Variants in DENND4B observed in about 807,000 individuals in gnomAD.
The protein encoded by DENND4B is DENN domain-containing protein 4B.
Under a neutral mutation model 161.0 loss-of-function variants are expected in DENND4B, and 67 were observed. The observed-to-expected ratio is 0.42, with a 90% CI of 0.34 to 0.51. DENND4B has a LOEUF of 0.51. Ranked by LOEUF, DENND4B falls within the 20% of genes least tolerant of loss-of-function variation. The pLI, the probability that DENND4B is intolerant of heterozygous loss-of-function variation, is 0.08. For missense variants in DENND4B, 1,481 were observed against 1,968.0 expected (o/e 0.75, Z 4.68); for synonymous variants, 753 against 813.8 (o/e 0.93, Z 1.27).
At position 153,930,777 on chromosome 1, in the gene DENND4B, G is replaced by A. The variant is rs771150123; in HGVS notation, c.4195C>T (p.His1399Tyr). ...SLALLESVLR[H>Y]VGLNEVHKAV... is the part of the protein sequence containing the mutation. The stretch of plus-strand genomic sequence containing the variant: ...TTGTGCACTTCATTGAGTCCAACAT[G>A]GCGCAGCACTGACTCCAACAGTGCC... Residue 1399 changes from histidine to tyrosine, a missense_variant, in exon 26 of 28, where the codon CAT (histidine) becomes TAT (tyrosine). Physicochemically the swap from His to Tyr is moderately conservative, Grantham distance 83. Around this residue, in one of 3 missense-constraint regions of DENND4B, gnomAD observed 336 missense variants for 503.3 expected, o/e 0.67. Transcript: ENST00000361217. The surrounding 1 kb of genome is among the most constrained non-coding windows in gnomAD (Gnocchi z 4.7). 6.2e-7 allele frequency: 1 copy of A among 1,609,370 alleles called. No individual in the cohort carries two copies. Among genetic ancestry groups the A allele is most frequent in the South Asian group, 1.1e-5 (1 of 90,150 alleles).
intron 24 of DENND4B, among the ~76,000 whole-genome samples, chr1:153,931,536 C>T (rs1391138049): frequency 8.9e-5 from 13 of 145,866 alleles, no homozygotes; most frequent in African/African-American, 2.3e-4. Flanking sequence ...CTCGCTCTGT[C>T]GTCCAGGCTG....
Position 153,934,748 on chromosome 1 carries a change from G to C in DENND4B, c.2773+12C>G. On this transcript the variant is annotated intron_variant, in intron 18 of 27. Transcript: ENST00000361217. This position sits in a 1 kb window ranked among gnomAD's most constrained non-coding sequence, Gnocchi z 5.3. ...CTCCATCCCCAAGCCTGTCTCACCAGGCCCTACCCACCTGCCTGGGAGCTG... is the reference window on the plus strand; with the variant it reads ...CTCCATCCCCAAGCCTGTCTCACCACGCCCTACCCACCTGCCTGGGAGCTG... 1 of 1,608,376 alleles carries C rather than the reference G, an allele frequency of 6.2e-7. No homozygotes were observed. The highest frequency in any genetic ancestry group is 8.5e-7 in the Non-Finnish European group (1 of 1,178,138).
chr1:153,938,406 C>CAA (rs34071791), intron 13 of DENND4B, among the ~76,000 whole-genome samples: 1,622 of 103,184 alleles, frequency 0.016, 86 homozygotes, highest in East Asian at 0.12. Context: ...AAAACTATCT[C>CAA]AAAAAAAAAA....
chr1:153,936,004 T>A lies in DENND4B; in HGVS notation c.2568+56A>T. ...AGGAGCGAGGGGAGCAGCAGCAGCC[T>A]CCCCTCACACACCCTGGCACAGCTG... On this transcript the variant is annotated intron_variant, in intron 17 of 27. Coordinates refer to ENST00000361217, the MANE Select transcript of DENND4B (RefSeq NM_014856.3). The surrounding 1 kb of genome is among the most constrained non-coding windows in gnomAD (Gnocchi z 4.1). 6.2e-7 allele frequency: 1 copy of A among 1,600,290 alleles called. No homozygotes were observed. The highest frequency in any genetic ancestry group is 1.1e-5 in the South Asian group (1 of 88,840).
Position 153,936,579 on chromosome 1 carries a change from C to T in DENND4B, c.2402G>A (p.Arg801His), listed in dbSNP as rs552005915. The change falls in exon 16 of 28, where the codon CGC becomes CAC. Residue 801 changes from arginine to histidine, a missense_variant. Arg to His is a conservative substitution (Grantham distance 29, BLOSUM62 0). Around this residue, in one of 3 missense-constraint regions of DENND4B, gnomAD observed 806 missense variants for 1,134.4 expected, o/e 0.71. Coordinates refer to ENST00000361217, the MANE Select transcript of DENND4B (RefSeq NM_014856.3). The surrounding 1 kb of genome is among the most constrained non-coding windows in gnomAD (Gnocchi z 4.1). ...CACCACCTTGCCGCTCTCCATCTGG[C>T]GCAGCACATGGTAGGCTGTGTGCAG... ...QALHTAYHVLRQMESGKVVLP... is the reference protein window; with the variant it reads ...QALHTAYHVLHQMESGKVVLP... 1.2e-5 allele frequency: 19 copies of T among 1,609,322 alleles called. No homozygotes were observed. Among genetic ancestry groups the T allele is most frequent in the East Asian group, 2.2e-5 (1 of 44,718 alleles).
chr1:153,933,240 C>A lies in DENND4B; in HGVS notation c.3410G>T (p.Arg1137Leu). ...SNLSLRRSSERLSDTPGSFQS... is the reference protein window; with the variant it reads ...SNLSLRRSSELLSDTPGSFQS... Reference sequence around the variant, plus strand: ...GAAGGATCCAGGGGTGTCACTGAGGCGCTCTGAGGAACGGCGAAGACTCAG... The same window carrying A: ...GAAGGATCCAGGGGTGTCACTGAGGAGCTCTGAGGAACGGCGAAGACTCAG... The change falls in exon 21 of 28, where the codon CGC becomes CTC. Residue 1137 changes from arginine (R) to leucine (L), a missense_variant. Arg to Leu is a moderately radical substitution (Grantham distance 102, BLOSUM62 -2). Coordinates refer to ENST00000361217, the MANE Select transcript of DENND4B (RefSeq NM_014856.3). This position sits in a 1 kb window ranked among gnomAD's most constrained non-coding sequence, Gnocchi z 5.7. 1 of 1,613,106 alleles carries A rather than the reference C, an allele frequency of 6.2e-7. No homozygotes were observed.
rs775680775 is a variant in DENND4B, at chr1:153,934,314, G to A, written c.2774-12C>T. On this transcript the variant is annotated splice_polypyrimidine_tract_variant and intron_variant, in intron 18 of 27. Coordinates refer to ENST00000361217, the MANE Select transcript of DENND4B (RefSeq NM_014856.3). This position sits in a 1 kb window ranked among gnomAD's most constrained non-coding sequence, Gnocchi z 5.3. ...CTCCAAATAGGGCTCTGTAAAAGAC[G>A]AGAAGGGGTTTAGAGGCGGCCAGCT... The A allele has an allele frequency of 4.4e-6, 7 of 1,574,820 alleles. No homozygotes were observed. Among genetic ancestry groups the A allele is most frequent in the South Asian group, 2.3e-5 (2 of 85,426 alleles).
At position 153,940,457 on chromosome 1, in the gene DENND4B, T is replaced by C; in HGVS notation, c.1476A>G (p.Val492=). Reference sequence around the variant, plus strand: ...GGAAGAGCGTGTTGGTATCAAGGTCTACACAGATGACATCAGCAGGCGGGT... The same window carrying C: ...GGAAGAGCGTGTTGGTATCAAGGTCCACACAGATGACATCAGCAGGCGGGT... ...LHDPPADVIC[V]DLDTNTLFQT... The change falls in exon 10 of 28, where the codon GTA becomes GTG. Residue 492 remains valine (V), a synonymous_variant. Transcript: ENST00000361217. The surrounding 1 kb of genome is among the most constrained non-coding windows in gnomAD (Gnocchi z 5.6). 1.2e-6 allele frequency: 2 copies of C among 1,613,024 alleles called. No homozygotes were observed. The highest frequency in any genetic ancestry group is 1.7e-6 in the Non-Finnish European group (2 of 1,179,466).
rs928209725 is a variant in DENND4B at position 153,936,018 on chromosome 1, C to T, written c.2568+42G>A. On this transcript the variant is annotated intron_variant, in intron 17 of 27. Coordinates refer to ENST00000361217, the MANE Select transcript of DENND4B (RefSeq NM_014856.3). The surrounding 1 kb of genome is among the most constrained non-coding windows in gnomAD (Gnocchi z 4.1). The stretch of plus-strand genomic sequence containing the variant: ...CAGCAGCAGCCTCCCCTCACACACC[C>T]TGGCACAGCTGCCATCCCACCCCTC... 1.2e-6 allele frequency: 2 copies of T among 1,608,664 alleles called. No individual in the cohort carries two copies. The highest frequency in any genetic ancestry group is 1.7e-6 in the Non-Finnish European group (2 of 1,177,382).
At position 153,942,543 on chromosome 1, in the gene DENND4B, AG is replaced by A; in HGVS notation, c.640+12del. 6.3e-7 allele frequency: 1 copy of A among 1,592,652 alleles called. No homozygotes were observed. The highest frequency in any genetic ancestry group is 8.6e-7 in the Non-Finnish European group (1 of 1,169,382). On this transcript the variant is annotated intron_variant, in intron 4 of 27. Transcript: ENST00000361217. The surrounding 1 kb of genome is among the most constrained non-coding windows in gnomAD (Gnocchi z 6.9). ...TAGGGTCACAGGATTGGAGGGATAA[AG>A]GGGCCACTCACCTGCCTCGTACACC...
chr1:153,930,438 G>A lies in DENND4B; in HGVS notation c.4350C>T (p.Ala1450=), dbSNP rs775882506. 2 of 1,613,862 alleles carry A rather than the reference G, an allele frequency of 1.2e-6. No individual in the cohort carries two copies. The highest frequency in any genetic ancestry group is 1.1e-5 in the South Asian group (1 of 91,084). Residue 1450 remains alanine, a synonymous_variant, in exon 28 of 28, where the codon GCC becomes GCT. Coordinates refer to ENST00000361217, the MANE Select transcript of DENND4B (RefSeq NM_014856.3). The surrounding 1 kb of genome is among the most constrained non-coding windows in gnomAD (Gnocchi z 4.7). ...AGGCAGACTTGTACTTCTTATCGAA[G>A]GCCACTAGGGAAGAAGGTGGAAGTC... is the stretch of plus-strand genomic sequence containing the variant. The part of the protein sequence containing the change: ...ALGKDHVDIV[A]FDKKYKSAFN...
Position 153,933,752 on chromosome 1 carries a change from A to G in DENND4B, c.3061T>C (p.Ser1021Pro). The change falls in exon 20 of 28, where the codon TCA (serine) becomes CCA (proline). Residue 1021 changes from serine (S) to proline (P), a missense_variant. Around this residue, in one of 3 missense-constraint regions of DENND4B, gnomAD observed 339 missense variants for 330.3 expected, o/e 1.03. Transcript: ENST00000361217. The surrounding 1 kb of genome is among the most constrained non-coding windows in gnomAD (Gnocchi z 5.7). ...GACTGGGCACTCAGGGCTGAGCCTG[A>G]GCCCCCTGGGCTGCCTCCAGGGAGC... Reference protein sequence around the residue: ...EPLPGGSPGGSGSALSAQSTE... With the variant: ...EPLPGGSPGGPGSALSAQSTE... 4 of 1,603,758 alleles carry G rather than the reference A, an allele frequency of 2.5e-6. No individual in the cohort carries two copies. The highest frequency in any genetic ancestry group is 3.4e-6 in the Non-Finnish European group (4 of 1,175,714).
At chr1:153,931,472 CA>C (rs1342204693) in intron 24 of DENND4B, among the ~76,000 whole-genome samples, 1 of 151,580 alleles carries the variant, frequency 6.6e-6, no homozygotes, top group Non-Finnish European at 1.5e-5. Context: ...CCAGGTGCAG[CA>C]GACTCCAAAG....
Position 153,932,324 on chromosome 1 carries a change from T to C in DENND4B, c.3876A>G (p.Glu1292=), listed in dbSNP as rs1204010198. The C allele has an allele frequency of 6.2e-7, 1 of 1,613,860 alleles. No homozygotes were observed. The highest frequency in any genetic ancestry group is 8.5e-7 in the Non-Finnish European group (1 of 1,179,848). ...AGATGATGGGGTGGGCAGAGGGCAG[T>C]TCAGGCAACGCCAGCACCTCACTGC... ...NEGSEVLALP[E]LPSAHPIIFW... The change falls in exon 24 of 28, where the codon GAA becomes GAG. Residue 1292 remains glutamate (E), a synonymous_variant. Coordinates refer to ENST00000361217, the MANE Select transcript of DENND4B (RefSeq NM_014856.3). This position sits in a 1 kb window ranked among gnomAD's most constrained non-coding sequence, Gnocchi z 5.8.
In DENND4B at chr1:153,946,288, A is replaced by G; in HGVS notation, c.-24+13T>C. The G allele has an allele frequency of 2.9e-6, 1 of 349,864 alleles. No homozygotes were observed. The highest frequency in any genetic ancestry group is 5.1e-6 in the Non-Finnish European group (1 of 194,590). The allele number at this position is 349,864 out of a possible 1,614,324, so 21.7% of individuals were successfully genotyped here. ...CCCCGCCTGCCGCCCAGCCCGGTCC[A>G]GCCCCTACCTGCCTGTCCCGCGCTT... On this transcript the variant is annotated intron_variant, in intron 1 of 27. Transcript: ENST00000361217. The surrounding 1 kb of genome is among the most constrained non-coding windows in gnomAD (Gnocchi z 6.3).
Position 153,946,594 on chromosome 1 carries a change from G to T in DENND4B, c.-317C>A. The stretch of plus-strand genomic sequence containing the variant: ...GGTCCTCCCAGCTCCCGCGGCGCCG[G>T]GGACCCAGCGTTCCTCCGCGCGCCC... On this transcript the variant is annotated 5_prime_UTR_variant, in exon 1 of 28. Transcript: ENST00000361217. This position sits in a 1 kb window ranked among gnomAD's most constrained non-coding sequence, Gnocchi z 6.3. 1 of 387,078 alleles carries T rather than the reference G, an allele frequency of 2.6e-6. No homozygotes were observed. Among genetic ancestry groups the T allele is most frequent in the South Asian group, 1.3e-4 (1 of 7,718 alleles). The allele number at this position is 387,078 out of a possible 1,614,324, so 24.0% of individuals were successfully genotyped here.
Position 153,930,526 on chromosome 1 carries a change from C to T in DENND4B, c.4345+13G>A. ...GATCCCTAAACTCCTCAGCCCCTTG[C>T]CTGCAATCTCACCTATGTCCACGTG... On this transcript the variant is annotated intron_variant, in intron 27 of 27. Transcript: ENST00000361217. The surrounding 1 kb of genome is among the most constrained non-coding windows in gnomAD (Gnocchi z 4.7). The T allele has an allele frequency of 1.2e-6, 2 of 1,614,056 alleles. No homozygotes were observed. The highest frequency in any genetic ancestry group is 1.7e-6 in the Non-Finnish European group (2 of 1,179,896).
In DENND4B at chr1:153,946,343, T is replaced by C; in HGVS notation, c.-66A>G. ...GCCGGCCGGCCCGCTGGCGGGTGGC[T>C]CGGAGGGCGAGCTGGCGGGCCGGCG... is the stretch of plus-strand genomic sequence containing the variant. On this transcript the variant is annotated 5_prime_UTR_variant, in exon 1 of 28. Transcript: ENST00000361217. The surrounding 1 kb of genome is among the most constrained non-coding windows in gnomAD (Gnocchi z 6.3). 2.7e-6 allele frequency: 1 copy of C among 370,764 alleles called. No individual in the cohort carries two copies. The allele number at this position is 370,764 out of a possible 1,614,324, so 23.0% of individuals were successfully genotyped here.
rs1405905957 is a variant in DENND4B, at chr1:153,929,574, G to A, written c.*723C>T. 6.6e-6 allele frequency: 1 copy of A among 152,212 alleles called. No individual in the cohort carries two copies. Among genetic ancestry groups the A allele is most frequent in the Non-Finnish European group, 1.5e-5 (1 of 68,086 alleles). The allele number at this position is 152,212 out of a possible 1,614,324, so 9.4% of individuals were successfully genotyped here. The stretch of plus-strand genomic sequence containing the variant: ...GCAGGGAACAATCCTTATTGCACAG[G>A]TCAGGACCTGGGTGGGTGAGGCATT... On this transcript the variant is annotated 3_prime_UTR_variant, in exon 28 of 28. Coordinates refer to ENST00000361217, the MANE Select transcript of DENND4B (RefSeq NM_014856.3).
Sources: allele counts gnomAD v4.1 joint callset (sites outside exome capture counted in the v4.1 genomes callset), GRCh38; gene constraint gnomAD v4.1.1; regional missense constraint gnomAD v4.1.1; non-coding constraint Gnocchi (gnomAD v3.1); transcripts MANE v1.5; gene names NCBI Gene and HGNC (gene_info 2026-07-23, HGNC 2026-07-21).